The following FBXL17 variants were observed in gnomAD, a reference collection of about 807,000 sequenced individuals.
The protein encoded by FBXL17 is F-box and leucine rich repeat protein 17.
Under a neutral mutation model 66.2 loss-of-function variants are expected in FBXL17, and 22 were observed. The observed-to-expected ratio is 0.33, with a 90% CI of 0.24 to 0.47. FBXL17 has a LOEUF of 0.47. Ranked by LOEUF, FBXL17 falls within the 20% of genes least tolerant of loss-of-function variation. The probability of loss-of-function intolerance (pLI) is 1.00; values close to 1 mark genes in which losing one functional copy is unlikely to be tolerated. For synonymous variants in FBXL17, 474 were observed against 400.5 expected (o/e 1.18, Z -2.19); for missense variants, 878 against 948.2 (o/e 0.93, Z 0.97).
chr5:108,217,336 AG>A (rs1355836027), intron 5 of FBXL17, among the ~76,000 whole-genome samples: 1 of 152,120 alleles, frequency 6.6e-6, no homozygotes, highest in African/African-American at 2.4e-5. Context: ...AGACAACAAA[AG>A]TTTGTTTCGA....
chr5:108,062,805 A>G (rs1258204794), intron 6 of FBXL17, among the ~76,000 whole-genome samples: 1 of 152,160 alleles, frequency 6.6e-6, no homozygotes, highest in Non-Finnish European at 1.5e-5. Context: ...TGCACAAAGA[A>G]GTAACTGCAA....
intron 7 of FBXL17, among the ~76,000 whole-genome samples, chr5:107,919,908 G>A (rs1435187048): frequency 1.3e-5 from 2 of 152,062 alleles, no homozygotes; most frequent in African/African-American, 4.8e-5. Flanking sequence ...TTTCTTCAGC[G>A]CTTTATTTCC....
chr5:108,054,747 G>A (rs547159374), intron 6 of FBXL17, among the ~76,000 whole-genome samples: 8 of 152,222 alleles, frequency 5.3e-5, no homozygotes, highest in South Asian at 2.1e-4. Flanking sequence ...GAGCATTTCT[G>A]TCTGTGCCCA....
intron 7 of FBXL17, among the ~76,000 whole-genome samples, chr5:108,000,408 C>G (rs955373313): frequency 6.6e-6 from 1 of 152,148 alleles, no homozygotes; most frequent in South Asian, 2.1e-4. Context: ...AAACTGAATT[C>G]TATTTAGAGC....
chr5:108,373,460 A>G (rs978439199), intron 1 of FBXL17, among the ~76,000 whole-genome samples: 4 of 149,380 alleles, frequency 2.7e-5, no homozygotes, highest in Non-Finnish European at 4.4e-5. Flanking sequence ...AAGGGGATCA[A>G]AATGGTACAC....
rs765921999 is a variant in FBXL17, at chr5:107,861,030, CG to C, written c.*689del. 4 of 152,180 alleles carry C rather than the reference CG, an allele frequency of 2.6e-5. No individual in the cohort carries two copies. Among genetic ancestry groups the C allele is most frequent in the Non-Finnish European group, 4.4e-5 (3 of 68,024 alleles). The allele number at this position is 152,180 out of a possible 1,614,324, so 9.4% of individuals were successfully genotyped here. A position where few individuals can be genotyped will look rare whatever the true frequency, so the allele number is the denominator to read the frequency against. ...TGTAGAATAATGTATAATTAACTTT[CG>C]TGAGCTGGCCAGGAGAGTTCAGACT... is the stretch of plus-strand genomic sequence containing the variant. On this transcript the variant is annotated 3_prime_UTR_variant, in exon 9 of 9. Transcript: ENST00000542267.
chr5:108,367,091 G>T (rs1430134661), intron 2 of FBXL17, among the ~76,000 whole-genome samples: 3 of 152,002 alleles, frequency 2.0e-5, no homozygotes, highest in African/African-American at 7.2e-5. Context: ...CAGCACACTA[G>T]TAGTAATACA....
chr5:107,993,246 T>A (rs1753331755), intron 7 of FBXL17, among the ~76,000 whole-genome samples: 1 of 152,172 alleles, frequency 6.6e-6, no homozygotes, highest in Non-Finnish European at 1.5e-5. Flanking sequence ...TCCTCAATTT[T>A]TTTCTCTCAT....
intron 7 of FBXL17, among the ~76,000 whole-genome samples, chr5:107,933,918 T>G (rs1310755202): frequency 6.6e-6 from 1 of 152,046 alleles, no homozygotes; most frequent in East Asian, 1.9e-4. Context: ...CAAACATGAA[T>G]TATATAAAAG....
chr5:108,311,739 AC>A (rs1268497918), intron 4 of FBXL17, among the ~76,000 whole-genome samples: 2 of 152,194 alleles, frequency 1.3e-5, no homozygotes, highest in Non-Finnish European at 2.9e-5. Context: ...AGAGAAAAAA[AC>A]ATTAACATTG....
intron 5 of FBXL17, among the ~76,000 whole-genome samples, chr5:108,208,813 T>C (rs1046953100): frequency 6.6e-6 from 1 of 152,206 alleles, no homozygotes; most frequent in Non-Finnish European, 1.5e-5. Context: ...TGGTTCCATA[T>C]AAATTTTAAA....
At chr5:107,974,642 C>T (rs1390326831) in intron 7 of FBXL17, among the ~76,000 whole-genome samples, 1 of 152,078 alleles carries the variant, frequency 6.6e-6, no homozygotes, top group Non-Finnish European at 1.5e-5. Context: ...GAAAATTCAA[C>T]TGCCATATAG....
At chr5:107,933,885 C>A (rs1180206607) in intron 7 of FBXL17, among the ~76,000 whole-genome samples, 1 of 152,056 alleles carries the variant, frequency 6.6e-6, no homozygotes, top group Non-Finnish European at 1.5e-5. Flanking sequence ...AGGATGTGAA[C>A]TCATATCCCC....
chr5:107,886,009 AAAC>A (rs1232928912), intron 7 of FBXL17, among the ~76,000 whole-genome samples: 1 of 152,204 alleles, frequency 6.6e-6, no homozygotes, highest in African/African-American at 2.4e-5. Context: ...GAACCCAAAT[AAAC>A]AGCATAACCC....
chr5:108,163,941 A>G (rs1752317242), intron 6 of FBXL17, among the ~76,000 whole-genome samples: 1 of 152,202 alleles, frequency 6.6e-6, no homozygotes, highest in Non-Finnish European at 1.5e-5. Context: ...GGTCATCTAA[A>G]ACCTGGCAAT....
At chr5:108,057,943 T>C (rs1395778771) in intron 6 of FBXL17, among the ~76,000 whole-genome samples, 1 of 152,234 alleles carries the variant, frequency 6.6e-6, no homozygotes, top group African/African-American at 2.4e-5. Flanking sequence ...GGTGGTTTTA[T>C]CTTCATTTGA....
intron 7 of FBXL17, among the ~76,000 whole-genome samples, chr5:107,989,608 C>T (rs540890654): frequency 1.5e-4 from 23 of 152,184 alleles, no homozygotes; most frequent in Middle Eastern, 6.8e-3. Flanking sequence ...AGAAGTGCAG[C>T]TATCTCTTCG....
chr5:107,927,968 G>C (rs1185501575), intron 7 of FBXL17, among the ~76,000 whole-genome samples: 1 of 151,964 alleles, frequency 6.6e-6, no homozygotes, highest in East Asian at 1.9e-4. Flanking sequence ...TTTAAGAATG[G>C]CAAATGATAT....
At chr5:108,166,019 C>T (rs1752402207) in intron 6 of FBXL17, among the ~76,000 whole-genome samples, 1 of 151,954 alleles carries the variant, frequency 6.6e-6, no homozygotes, top group Admixed American at 6.5e-5. Context: ...CCTCACTATC[C>T]CACCAAAAAC....
Sources: gnomAD v4.1 joint callset for allele counts (sites outside exome capture counted in the v4.1 genomes callset) on GRCh38, gnomAD v4.1.1 for gene constraint, MANE v1.5 for transcripts, NCBI Gene and HGNC (gene_info 2026-07-23, HGNC 2026-07-21) for gene names.